NRF1: variants seen among roughly 807,000 people sequenced by gnomAD.
The protein encoded by NRF1 is nuclear respiratory factor 1, also known as alpha palindromic-binding protein.
Under a neutral mutation model 58.5 loss-of-function variants are expected in NRF1, and 5 were observed. That is an observed-to-expected ratio of 0.09 (90% CI 0.04 to 0.18). The LOEUF is 0.18. Among genes scored for constraint, NRF1 ranks in the 10% least tolerant of loss-of-function variants. The pLI, the probability that NRF1 is intolerant of heterozygous loss-of-function variation, is 1.00. For synonymous variants in NRF1, 224 were observed against 246.7 expected (o/e 0.91, Z 0.86); for missense variants, 288 against 657.7 (o/e 0.44, Z 6.15).
chr7:129,710,947 T>C (rs1207263279), intron 7 of NRF1, among the ~76,000 whole-genome samples: 2 of 145,928 alleles, frequency 1.4e-5, no homozygotes, highest in African/African-American at 5.0e-5. Context: ...CTGGCTGAAT[T>C]TTTTTTTTTT....
At chr7:129,622,329 CT>C (rs35012511) in intron 1 of NRF1, among the ~76,000 whole-genome samples, 1 of 151,990 alleles carries the variant, frequency 6.6e-6, no homozygotes, top group South Asian at 2.1e-4. Flanking sequence ...CTTTACTGGG[CT>C]TTTTCCCCAT....
intron 1 of NRF1, among the ~76,000 whole-genome samples, chr7:129,649,170 T>A (rs868480775): frequency 6.6e-6 from 1 of 152,208 alleles, no homozygotes; most frequent in Non-Finnish European, 1.5e-5. Flanking sequence ...ATTACCCTAG[T>A]GTCCCCCTGA....
chr7:129,727,205 T>G, intron 9 of NRF1, 36 bp from the exon 10 acceptor site: 1 of 1,548,400 alleles, frequency 6.5e-7, no homozygotes, highest in South Asian at 1.3e-5. Context: ...GCTGTTCCTC[T>G]ATTCATCATC....
intron 8 of NRF1, among the ~76,000 whole-genome samples, chr7:129,714,206 G>A (rs372776202): frequency 5.9e-5 from 9 of 152,090 alleles, no homozygotes; most frequent in Admixed American, 5.9e-4. Context: ...TCTCTTCACC[G>A]TTTACTGTCA....
chr7:129,627,408 A>G (rs59116443), intron 1 of NRF1, among the ~76,000 whole-genome samples: 15 of 152,082 alleles, frequency 9.9e-5, no homozygotes, highest in African/African-American at 3.1e-4. Context: ...TTTCGTAGAT[A>G]CAAGGTCTCA....
At chr7:129,666,382 T>C (rs558668154) in intron 2 of NRF1, among the ~76,000 whole-genome samples, 42 of 152,374 alleles carry the variant, frequency 2.8e-4, no homozygotes, top group African/African-American at 7.9e-4. Context: ...GTTTTGCATG[T>C]GTTAAATTTT....
At chr7:129,672,540 G>C (rs1802071569) in intron 3 of NRF1, among the ~76,000 whole-genome samples, 1 of 152,172 alleles carries the variant, frequency 6.6e-6, no homozygotes. Flanking sequence ...TAGTAATCTA[G>C]GCCAGAAATG....
Position 129,690,561 on chromosome 7 carries a change from G to A in NRF1, c.606+15G>A, listed in dbSNP as rs1584643943. On this transcript the variant is annotated intron_variant, in intron 5 of 10. Coordinates refer to ENST00000393232, the MANE Select transcript of NRF1 (RefSeq NM_005011.5). ...AAATGACCCAGGTGAGGGGTGGGAG[G>A]TGAGGAGGAGACTCAAAGACAAGTG... 6.2e-7 allele frequency: 1 copy of A among 1,613,892 alleles called. No homozygotes were observed. The highest frequency in any genetic ancestry group is 8.5e-7 in the Non-Finnish European group (1 of 1,179,880).
Position 129,619,433 on chromosome 7 carries a change from T to TACAC in NRF1, c.-7+7621_-7+7624dup, listed in dbSNP as rs754223551. On this transcript the variant is annotated intron_variant, in intron 1 of 10. Coordinates refer to ENST00000393232, the MANE Select transcript of NRF1 (RefSeq NM_005011.5). Reference sequence around the variant, plus strand: ...ATATATATATATATATATATATATATACACACACACACACATATATATACA... The same window carrying TACAC: ...ATATATATATATATATATATATATATACACACACACACACACACATATATATACA... Among the ~76,000 whole-genome samples the TACAC allele has an allele frequency of 9.6e-4, 63 of 65,846 alleles. 1 individual carries two copies. The highest frequency in any genetic ancestry group is 4.4e-3 in the African/African-American group (54 of 12,144). The allele number at this position is 65,846 out of a possible 152,430, so 43.2% of individuals were successfully genotyped here. A position where few individuals can be genotyped will look rare whatever the true frequency, so the allele number is the denominator to read the frequency against.
intron 10 of NRF1, among the ~76,000 whole-genome samples, chr7:129,748,145 C>T (rs181262814): frequency 0.016 from 2,393 of 151,512 alleles, 60 homozygotes; most frequent in African/African-American, 0.055. Context: ...CGTGGTGGTG[C>T]GCGCCTGTAA....
chr7:129,663,944 G>A (rs560640418), intron 2 of NRF1, among the ~76,000 whole-genome samples: 112 of 152,316 alleles, frequency 7.4e-4, no homozygotes, highest in African/African-American at 2.5e-3. Flanking sequence ...GGTCAACACG[G>A]CGAAACCCCG....
chr7:129,749,513 GA>G (rs1384709329), intron 10 of NRF1, among the ~76,000 whole-genome samples: 1 of 151,830 alleles, frequency 6.6e-6, no homozygotes, highest in Non-Finnish European at 1.5e-5. Context: ...TTCTTCCAGA[GA>G]TTTGGGTCCA....
At chr7:129,721,769 C>T (rs1020079602) in intron 9 of NRF1, among the ~76,000 whole-genome samples, 2 of 152,176 alleles carry the variant, frequency 1.3e-5, no homozygotes, top group African/African-American at 4.8e-5. Flanking sequence ...GCATGAGCCA[C>T]CAGGCCTGGC....
At chr7:129,681,741 G>C (rs913725182) in intron 4 of NRF1, among the ~76,000 whole-genome samples, 1 of 151,832 alleles carries the variant, frequency 6.6e-6, no homozygotes, top group South Asian at 2.1e-4. Flanking sequence ...ACCCAGCTAA[G>C]ATAAGAAGTA....
At position 129,755,208 on chromosome 7, in the gene NRF1, T is replaced by C. The variant is rs773271929; in HGVS notation, c.*27T>C. The C allele has an allele frequency of 6.5e-7, 1 of 1,530,422 alleles. No homozygotes were observed. Among genetic ancestry groups the C allele is most frequent in the Non-Finnish European group, 8.8e-7 (1 of 1,136,396 alleles). The allele number at this position is 1,530,422 out of a possible 1,614,324, so 94.8% of individuals were successfully genotyped here. On this transcript the variant is annotated 3_prime_UTR_variant, in exon 11 of 11. Transcript: ENST00000393232. This position sits in a 1 kb window ranked among gnomAD's most constrained non-coding sequence, Gnocchi z 5.8. ...ATACAGCCATATTATGGCATCGTTT[T>C]CTAGTCTACTTCAAAATTTTTTACA...
intron 9 of NRF1, among the ~76,000 whole-genome samples, chr7:129,722,825 T>G (rs11766629): frequency 0.056 from 8,455 of 152,252 alleles, 296 homozygotes; most frequent in South Asian, 0.1. Context: ...GTGTTCAGGA[T>G]GTACAGGAGT....
chr7:129,668,602 A>G (rs1398910719), intron 2 of NRF1, among the ~76,000 whole-genome samples: 2 of 152,242 alleles, frequency 1.3e-5, no homozygotes, highest in African/African-American at 2.4e-5. Context: ...TCCATCAGAT[A>G]GAAGAATAGG....
At chr7:129,614,251 G>T (rs1387012513) in intron 1 of NRF1, among the ~76,000 whole-genome samples, 1 of 152,124 alleles carries the variant, frequency 6.6e-6, no homozygotes, top group African/African-American at 2.4e-5. Context: ...GAGTAGCTGG[G>T]ATTACAGGCG....
At chr7:129,640,222 A>G (rs1188495442) in intron 1 of NRF1, among the ~76,000 whole-genome samples, 2 of 152,182 alleles carry the variant, frequency 1.3e-5, no homozygotes, top group Non-Finnish European at 2.9e-5. Context: ...ACCGTTTTAT[A>G]ATACAAATTC....
Sources: gnomAD v4.1 joint callset for allele counts (sites outside exome capture counted in the v4.1 genomes callset) on GRCh38, gnomAD v4.1.1 for gene constraint, Gnocchi (gnomAD v3.1) non-coding constraint, MANE v1.5 for transcripts, NCBI Gene and HGNC (gene_info 2026-07-23, HGNC 2026-07-21) for gene names.